The following TMEM108 variants were observed in gnomAD, a reference collection of about 807,000 sequenced individuals.
TMEM108 encodes the protein transmembrane protein 108, also known as cancer/testis antigen 124.
In TMEM108, 12 loss-of-function variants were observed where a neutral mutation model predicts 35.1. That is an observed-to-expected ratio of 0.34 (90% CI 0.22 to 0.55). The LOEUF is 0.55. Ranked by LOEUF, TMEM108 falls within the 20% of genes least tolerant of loss-of-function variation. The pLI is 0.89. For missense variants in TMEM108, 680 were observed against 753.3 expected (o/e 0.90, Z 1.14); for synonymous variants, 287 against 308.6 (o/e 0.93, Z 0.73).
chr3:133,386,343 G>T, intron 4 of TMEM108: 1 of 1,502,474 alleles, frequency 6.7e-7, no homozygotes, highest in South Asian at 1.2e-5. Context: ...ACAGGCCCGG[G>T]AAAGAGCAAT....
intron 2 of TMEM108, among the ~76,000 whole-genome samples, chr3:133,063,291 A>G (rs572574686): frequency 6.6e-6 from 1 of 152,196 alleles, no homozygotes; most frequent in East Asian, 1.9e-4. Context: ...GGAACCAGGA[A>G]CCCAGATCTT....
chr3:133,071,534 A>G (rs1943676215), intron 2 of TMEM108, among the ~76,000 whole-genome samples: 1 of 152,188 alleles, frequency 6.6e-6, no homozygotes. Context: ...GGAGGATCAT[A>G]GTTTAGCCCA....
chr3:133,247,263 A>T (rs1559881113), intron 3 of TMEM108: 1 of 152,182 alleles, frequency 6.6e-6, no homozygotes, highest in Non-Finnish European at 1.5e-5. Flanking sequence ...AGAAAAGTTT[A>T]TATCAAGAAT....
chr3:133,394,236 T>TGCCCTTTA (rs1489230616), intron 5 of TMEM108, among the ~76,000 whole-genome samples: 2 of 152,218 alleles, frequency 1.3e-5, no homozygotes, highest in Non-Finnish European at 1.5e-5. Flanking sequence ...ACTCACCACC[T>TGCCCTTTA]GCCCTTTAGC....
intron 3 of TMEM108, among the ~76,000 whole-genome samples, chr3:133,351,620 G>T: frequency 6.6e-6 from 1 of 152,206 alleles, no homozygotes; most frequent in African/African-American, 2.4e-5. Flanking sequence ...AATAATAATC[G>T]ATCATAGCAG....
chr3:133,210,621 T>C (rs1398714640), intron 2 of TMEM108, among the ~76,000 whole-genome samples: 1 of 152,206 alleles, frequency 6.6e-6, no homozygotes, highest in African/African-American at 2.4e-5. Context: ...ATTATCAACA[T>C]AATGATATAA....
chr3:133,062,167 T>A (rs1373374228), intron 2 of TMEM108, among the ~76,000 whole-genome samples: 2 of 152,256 alleles, frequency 1.3e-5, no homozygotes, highest in Non-Finnish European at 2.9e-5. Context: ...TAGTCATTCC[T>A]TCATCCAGTT....
At chr3:133,176,818 A>G (rs1945238512) in intron 2 of TMEM108, among the ~76,000 whole-genome samples, 1 of 151,880 alleles carries the variant, frequency 6.6e-6, no homozygotes, top group East Asian at 1.9e-4. Context: ...CTAAAATCGG[A>G]GCAGAACTGA....
At chr3:133,057,478 T>C (rs1177423451) in intron 2 of TMEM108, among the ~76,000 whole-genome samples, 2 of 95,644 alleles carry the variant, frequency 2.1e-5, no homozygotes, top group East Asian at 2.8e-4. Context: ...TATATATATA[T>C]ATATATATGT....
intron 3 of TMEM108, among the ~76,000 whole-genome samples, chr3:133,271,242 C>T (rs551321492): frequency 1.6e-4 from 24 of 152,198 alleles, no homozygotes; most frequent in Middle Eastern, 3.4e-3. Context: ...TGCTGTAGAA[C>T]GGAAAGAGTT....
At chr3:133,361,045 G>A (rs563980552) in intron 3 of TMEM108, among the ~76,000 whole-genome samples, 2 of 152,118 alleles carry the variant, frequency 1.3e-5, no homozygotes, top group African/African-American at 2.4e-5. Context: ...CTTCAAGATC[G>A]TGTCTCTTCA....
chr3:133,294,733 A>G (rs1436070859), intron 3 of TMEM108, among the ~76,000 whole-genome samples: 3 of 152,222 alleles, frequency 2.0e-5, no homozygotes, highest in Non-Finnish European at 4.4e-5. Flanking sequence ...GAGATGGTGA[A>G]GTTCAGGAAA....
At chr3:133,265,876 C>G (rs1163417652) in intron 3 of TMEM108, among the ~76,000 whole-genome samples, 1 of 152,106 alleles carries the variant, frequency 6.6e-6, no homozygotes, top group Non-Finnish European at 1.5e-5. Context: ...GTGAAACATT[C>G]CTATACTTTT....
intron 2 of TMEM108, among the ~76,000 whole-genome samples, chr3:133,073,307 G>C (rs986763332): frequency 6.6e-6 from 1 of 151,584 alleles, no homozygotes; most frequent in African/African-American, 2.4e-5. Context: ...AGTGTCCACT[G>C]TTTTACTCTC....
intron 3 of TMEM108, among the ~76,000 whole-genome samples, chr3:133,370,279 G>A (rs1471325936): frequency 6.6e-6 from 1 of 151,300 alleles, no homozygotes; most frequent in Non-Finnish European, 1.5e-5. Context: ...CTTTGCTTCT[G>A]ACCCTTTGCA....
rs907469390 is a variant in TMEM108, at chr3:133,366,953, G to A, written c.41-12799G>A. ...GACTCACATACAGAGGAGTCCAGTG[G>A]TGATGAGCTGGATAGAACTGCATCT... is the stretch of plus-strand genomic sequence containing the variant. On this transcript the variant is annotated intron_variant, in intron 3 of 5. Transcript: ENST00000321871. Among the ~76,000 whole-genome samples the A allele has an allele frequency of 3.3e-5, 5 of 152,234 alleles. 1 individual carries two copies. The South Asian group carries it at 8.3e-4, about 25-fold the overall frequency.
chr3:133,220,344 A>G (rs1038859823), intron 2 of TMEM108, among the ~76,000 whole-genome samples: 2 of 151,878 alleles, frequency 1.3e-5, no homozygotes, highest in African/African-American at 4.8e-5. Context: ...CAGCATGATC[A>G]TAGCTTATTG....
chr3:133,202,073 C>T (rs538236536), intron 2 of TMEM108, among the ~76,000 whole-genome samples: 23 of 152,104 alleles, frequency 1.5e-4, no homozygotes, highest in Admixed American at 2.6e-4. Context: ...TTTTCTCGTA[C>T]GTTTGTTGGC....
At chr3:133,087,556 T>C (rs1162425711) in intron 2 of TMEM108, among the ~76,000 whole-genome samples, 2 of 152,198 alleles carry the variant, frequency 1.3e-5, no homozygotes, top group African/African-American at 2.4e-5. Flanking sequence ...AACTGTGGCA[T>C]TGTGACAATT....
Sources: allele counts gnomAD v4.1 joint callset (sites outside exome capture counted in the v4.1 genomes callset), GRCh38; gene constraint gnomAD v4.1.1; transcripts MANE v1.5; gene names NCBI Gene and HGNC (gene_info 2026-07-23, HGNC 2026-07-21).